Variants in PTPRM observed in about 807,000 individuals in gnomAD.
PTPRM encodes receptor-type tyrosine-protein phosphatase mu.
Under a neutral mutation model 186.7 loss-of-function variants are expected in PTPRM, and 47 were observed. The observed-to-expected ratio is 0.25, with a 90% CI of 0.20 to 0.32. PTPRM has a LOEUF of 0.32. Among genes scored for constraint, PTPRM ranks in the 10% least tolerant of loss-of-function variants. PTPRM has a pLI of 1.00. For missense variants in PTPRM, 1,494 were observed against 1,865.0 expected (o/e 0.80, Z 3.66); for synonymous variants, 668 against 674.9 (o/e 0.99, Z 0.16).
At chr18:8,164,442 A>C (rs1161092794) in intron 14 of PTPRM, among the ~76,000 whole-genome samples, 3 of 152,248 alleles carry the variant, frequency 2.0e-5, no homozygotes, top group African/African-American at 7.2e-5. Context: ...AGTTAGAAGC[A>C]ACCAAGTGTC....
intron 1 of PTPRM, among the ~76,000 whole-genome samples, chr18:7,732,810 A>G (rs938729054): frequency 6.6e-6 from 1 of 152,126 alleles, no homozygotes; most frequent in East Asian, 1.9e-4. Context: ...TGGCCTCACA[A>G]TATGGACTCT....
chr18:8,376,172 A>G lies in PTPRM; in HGVS notation c.3298A>G (p.Ser1100Gly), dbSNP rs2095693637. The change falls in exon 25 of 33, where the codon AGT becomes GGT. Residue 1100 changes from serine (S) to glycine (G), a missense_variant. Ser to Gly is a moderately conservative substitution (Grantham distance 56, BLOSUM62 0). Transcript: ENST00000580170. ...VRQVKSKSPP[S>G]AGPLVVHCSA... ...GCAAGTCAAGTCCAAGAGCCCGCCC[A>G]GTGCAGGCCCACTGGTGGTGCACTG... is the stretch of plus-strand genomic sequence containing the variant. 1.9e-6 allele frequency: 3 copies of G among 1,613,098 alleles called. No homozygotes were observed. Among genetic ancestry groups the G allele is most frequent in the Non-Finnish European group, 1.7e-6 (2 of 1,179,662 alleles).
At chr18:8,138,203 A>G (rs1265725249) in intron 13 of PTPRM, among the ~76,000 whole-genome samples, 1 of 78,714 alleles carries the variant, frequency 1.3e-5, no homozygotes, top group Non-Finnish European at 2.7e-5. Flanking sequence ...ATCACCCCCT[A>G]CCTTTTTTTT....
intron 2 of PTPRM, among the ~76,000 whole-genome samples, chr18:7,806,555 T>C (rs1019077211): frequency 6.6e-6 from 1 of 152,152 alleles, no homozygotes; most frequent in African/African-American, 2.4e-5. Flanking sequence ...ATTGACTGAT[T>C]TATGAGCAAA....
At chr18:8,113,962 T>G (rs491692) in intron 12 of PTPRM, among the ~76,000 whole-genome samples, 1 of 150,618 alleles carries the variant, frequency 6.6e-6, no homozygotes, top group Non-Finnish European at 1.5e-5. Flanking sequence ...TTTTTTTGAT[T>G]GGGGGAGTTT....
At chr18:7,954,258 T>C (rs1434587467) in intron 6 of PTPRM, among the ~76,000 whole-genome samples, 1 of 152,188 alleles carries the variant, frequency 6.6e-6, no homozygotes, top group Non-Finnish European at 1.5e-5. Context: ...TAAAGTGTGT[T>C]TGCTAGTGAT....
chr18:7,725,273 T>G (rs992641275), intron 1 of PTPRM, among the ~76,000 whole-genome samples: 14 of 152,180 alleles, frequency 9.2e-5, no homozygotes, highest in Non-Finnish European at 1.9e-4. Flanking sequence ...ATCCACACAT[T>G]GTACAGTTCA....
At chr18:8,253,747 G>A (rs188016212) in intron 19 of PTPRM, among the ~76,000 whole-genome samples, 4 of 152,290 alleles carry the variant, frequency 2.6e-5, no homozygotes, top group Admixed American at 6.5e-5. Context: ...TATCAAGGCC[G>A]ACTGTATTTT....
At chr18:8,372,570 C>G (rs1055936752) in intron 24 of PTPRM, among the ~76,000 whole-genome samples, 7 of 152,140 alleles carry the variant, frequency 4.6e-5, no homozygotes, top group Admixed American at 4.6e-4. Flanking sequence ...GTTTCTCATA[C>G]TATTTAGCAT....
At chr18:8,204,776 A>C (rs942422310) in intron 14 of PTPRM, among the ~76,000 whole-genome samples, 15 of 151,730 alleles carry the variant, frequency 9.9e-5, no homozygotes, top group South Asian at 6.2e-4. Flanking sequence ...AAAAACAAAA[A>C]AAAAACAAAA....
chr18:8,384,734 C>T, intron 30 of PTPRM, 48 bp downstream of exon 30: 1 of 1,606,560 alleles, frequency 6.2e-7, no homozygotes, highest in Non-Finnish European at 8.5e-7. Flanking sequence ...CATTTATTTT[C>T]TCACTCACTG....
At position 7,848,940 on chromosome 18, in the gene PTPRM, A is replaced by C. The variant is rs1341072226; in HGVS notation, c.197-39166A>C. Among the ~76,000 whole-genome samples the C allele has an allele frequency of 2.6e-5, 4 of 152,146 alleles. No individual in the cohort carries two copies. The East Asian group carries it at 7.7e-4, about 29-fold the overall frequency. Reference sequence around the variant, plus strand: ...TGGAAAGTTAAATAGCTTTCACTGAAAATGTGGTAAATTTTCATATAAACA... The same window carrying C: ...TGGAAAGTTAAATAGCTTTCACTGACAATGTGGTAAATTTTCATATAAACA... On this transcript the variant is annotated intron_variant, in intron 2 of 32. Coordinates refer to ENST00000580170, the MANE Select transcript of PTPRM (RefSeq NM_001105244.2).
intron 2 of PTPRM, among the ~76,000 whole-genome samples, chr18:7,851,358 T>C (rs901420635): frequency 1.3e-5 from 2 of 152,166 alleles, no homozygotes; most frequent in African/African-American, 4.8e-5. Flanking sequence ...AGAAGAGTTA[T>C]GGACCCAAAT....
At chr18:7,895,583 T>C (rs1292203561) in intron 3 of PTPRM, among the ~76,000 whole-genome samples, 1 of 152,158 alleles carries the variant, frequency 6.6e-6, no homozygotes, top group Non-Finnish European at 1.5e-5. Flanking sequence ...AAGGACCAGG[T>C]GCCCTTGGGT....
In PTPRM at chr18:7,691,564, A is replaced by G. The variant is rs140439084; in HGVS notation, c.74-82585A>G. The stretch of plus-strand genomic sequence containing the variant: ...ATAGTCCTAACTGCATATTAAAATC[A>G]GTGATGGTACCTTTGATCAAGCCTG... On this transcript the variant is annotated intron_variant, in intron 1 of 32. Transcript: ENST00000580170. Among the ~76,000 whole-genome samples the G allele has an allele frequency of 5.9e-3, 896 of 152,250 alleles. 6 individuals carry two copies. Among genetic ancestry groups the G allele is most frequent in the Non-Finnish European group, 9.0e-3 (611 of 68,026 alleles).
intron 1 of PTPRM, among the ~76,000 whole-genome samples, chr18:7,760,245 C>G (rs76113953): frequency 0.027 from 4,036 of 152,184 alleles, 161 homozygotes; most frequent in African/African-American, 0.089. Flanking sequence ...CCTGATCTAA[C>G]CTTAATTATG....
At chr18:8,302,821 C>T (rs2147934284) in intron 20 of PTPRM, among the ~76,000 whole-genome samples, 1 of 151,748 alleles carries the variant, frequency 6.6e-6, no homozygotes, top group South Asian at 2.1e-4. Context: ...CAGTATTATC[C>T]AGGATGGATA....
chr18:7,757,867 G>A (rs2041579883), intron 1 of PTPRM, among the ~76,000 whole-genome samples: 1 of 151,952 alleles, frequency 6.6e-6, no homozygotes, highest in Admixed American at 6.6e-5. Flanking sequence ...GTGAAGAGTG[G>A]GTGGGGATGC....
chr18:7,817,006 A>C, intron 2 of PTPRM, among the ~76,000 whole-genome samples: 2 of 136,584 alleles, frequency 1.5e-5, no homozygotes, highest in African/African-American at 2.8e-5. Context: ...ATGGGGTCTC[A>C]CTCTGGCGCC....
Sources: allele counts gnomAD v4.1 joint callset (sites outside exome capture counted in the v4.1 genomes callset), GRCh38; gene constraint gnomAD v4.1.1; transcripts MANE v1.5; gene names NCBI Gene and HGNC (gene_info 2026-07-23, HGNC 2026-07-21).